Variants in PDK1 observed in about 807,000 individuals in gnomAD.
PDK1 encodes [Pyruvate dehydrogenase (acetyl-transferring)] kinase isozyme 1, mitochondrial.
PDK1 carries 39 observed loss-of-function variants against 54.2 expected under a neutral mutation model. The observed-to-expected ratio is 0.72, with a 90% confidence interval of 0.56 to 0.94. PDK1 has a LOEUF of 0.94. Among genes scored for constraint, PDK1 ranks in the 40% least tolerant of loss-of-function variants. The probability of loss-of-function intolerance (pLI) is 0.00; values close to 1 mark genes in which losing one functional copy is unlikely to be tolerated. For missense variants in PDK1, 552 were observed against 566.0 expected, an observed-to-expected ratio of 0.98 and a Z score of 0.25; for synonymous variants, 221 against 207.1, an observed-to-expected ratio of 1.07 and a Z score of -0.58.
the PDK1 span, among the ~76,000 whole-genome samples, chr2:172,718,606 A>G: frequency 0.029 from 4,453 of 152,272 alleles, 228 homozygotes; most frequent in East Asian, 0.22. Context: ...TTGTTTTAGC[A>G]AACAGAATAT....
the PDK1 span, among the ~76,000 whole-genome samples, chr2:172,704,121 T>G: frequency 2.0e-5 from 3 of 152,192 alleles, no homozygotes; most frequent in African/African-American, 7.2e-5. Context: ...AAAGGAATAC[T>G]GTAAAATAGG....
chr2:172,627,313 A>T, the PDK1 span, among the ~76,000 whole-genome samples: 2 of 152,232 alleles, frequency 1.3e-5, no homozygotes, highest in African/African-American at 4.8e-5. Flanking sequence ...TTCGTCAGGG[A>T]AATACTTCAG....
At chr2:172,698,794 C>T in the PDK1 span, among the ~76,000 whole-genome samples, 2 of 152,208 alleles carry the variant, frequency 1.3e-5, no homozygotes, top group Middle Eastern at 3.2e-3. Flanking sequence ...TTAAACAACA[C>T]GCATGCCCAG....
chr2:172,652,744 C>G, the PDK1 span, among the ~76,000 whole-genome samples: 124 of 152,182 alleles, frequency 8.1e-4, 1 homozygote, highest in African/African-American at 2.8e-3. Flanking sequence ...AATAAAATAC[C>G]TAGGAATCCC....
chr2:172,637,687 T>C, the PDK1 span, among the ~76,000 whole-genome samples: 1 of 151,952 alleles, frequency 6.6e-6, no homozygotes, highest in Non-Finnish European at 1.5e-5. Flanking sequence ...ATAGGCTGCA[T>C]TTATCTTCTT....
the PDK1 span, among the ~76,000 whole-genome samples, chr2:172,716,687 T>A: frequency 1.7e-3 from 260 of 152,336 alleles, no homozygotes; most frequent in African/African-American, 5.6e-3. Flanking sequence ...AATTAATATA[T>A]ATGTATTTGT....
Position 172,571,924 on chromosome 2 carries a change from T to G in PDK1, c.945+1100T>G, listed in dbSNP as rs183358455. Reference sequence around the variant, plus strand: ...CTCGCCCACTGCAACCTCTGCCTCCTGAGTTCAAGTGATTCACCTGCCTCA... The same window carrying G: ...CTCGCCCACTGCAACCTCTGCCTCCGGAGTTCAAGTGATTCACCTGCCTCA... On this transcript the variant is annotated intron_variant, in intron 8 of 10. Coordinates refer to ENST00000282077, the MANE Select transcript of PDK1 (RefSeq NM_002610.5). Among the ~76,000 whole-genome samples, 391 of 144,828 alleles carry G rather than the reference T, an allele frequency of 2.7e-3. 4 individuals are homozygous for G. The highest frequency in any genetic ancestry group is 3.6e-3 in the Middle Eastern group (1 of 280).
the PDK1 span, among the ~76,000 whole-genome samples, chr2:172,640,454 A>G: frequency 6.6e-6 from 1 of 152,222 alleles, no homozygotes; most frequent in Non-Finnish European, 1.5e-5. Flanking sequence ...AGCAAAGGCA[A>G]ATGGCTACAC....
chr2:172,586,214 T>G (rs946958944), intron 8 of PDK1, 64 bp from the exon 9 acceptor site: 5 of 889,242 alleles, frequency 5.6e-6, no homozygotes, highest in Non-Finnish European at 9.5e-6. Flanking sequence ...ATGCTATGAG[T>G]ATGTGTTGAT....
At chr2:172,655,645 G>A in the PDK1 span, among the ~76,000 whole-genome samples, 1 of 152,244 alleles carries the variant, frequency 6.6e-6, no homozygotes, top group Non-Finnish European at 1.5e-5. Flanking sequence ...CAGGGGTGTG[G>A]CTTGTCTGTT....
the PDK1 span, among the ~76,000 whole-genome samples, chr2:172,661,828 G>C: frequency 6.6e-6 from 1 of 152,184 alleles, no homozygotes; most frequent in Non-Finnish European, 1.5e-5. Flanking sequence ...GAGGGGCAGG[G>C]GCTGATAAAC....
the PDK1 span, among the ~76,000 whole-genome samples, chr2:172,679,884 C>T: frequency 1.3e-5 from 2 of 152,112 alleles, no homozygotes; most frequent in African/African-American, 2.4e-5. Flanking sequence ...TTTTTAGCCT[C>T]TTCATTTAGA....
At chr2:172,672,246 T>G in the PDK1 span, among the ~76,000 whole-genome samples, 1 of 152,220 alleles carries the variant, frequency 6.6e-6, no homozygotes, top group Non-Finnish European at 1.5e-5. Context: ...AAGTTTGAAA[T>G]TAGCATCATA....
the PDK1 span, among the ~76,000 whole-genome samples, chr2:172,703,676 T>C: frequency 7.2e-5 from 11 of 152,210 alleles, no homozygotes; most frequent in Admixed American, 7.2e-4. Flanking sequence ...TAAAGATCTT[T>C]TACTGACTTC....
At chr2:172,561,790 G>A (rs1319678578) in intron 2 of PDK1, among the ~76,000 whole-genome samples, 2 of 152,150 alleles carry the variant, frequency 1.3e-5, no homozygotes, top group Admixed American at 1.3e-4. Context: ...TTAAAGCACA[G>A]ATATTTAAGA....
At chr2:172,575,905 G>A (rs561510542) in intron 8 of PDK1, among the ~76,000 whole-genome samples, 1 of 152,182 alleles carries the variant, frequency 6.6e-6, no homozygotes, top group Admixed American at 6.5e-5. Flanking sequence ...GAGCTCCTGA[G>A]CTGTGTCTAT....
the PDK1 span, among the ~76,000 whole-genome samples, chr2:172,708,222 G>A: frequency 6.6e-6 from 1 of 151,932 alleles, no homozygotes; most frequent in Non-Finnish European, 1.5e-5. Flanking sequence ...CTGGGTGGTA[G>A]AGGCTGCAAT....
the PDK1 span, among the ~76,000 whole-genome samples, chr2:172,698,897 A>G: frequency 2.6e-5 from 4 of 152,186 alleles, no homozygotes; most frequent in African/African-American, 4.8e-5. Flanking sequence ...GGTGATTTTT[A>G]TGTGCTGCTA....
rs1691355813 is a variant in PDK1 at position 172,608,145 on chromosome 2, A to C, written c.*12176A>C. The C allele has an allele frequency of 6.6e-6, 1 of 152,212 alleles. No homozygotes were observed. Among genetic ancestry groups the C allele is most frequent in the African/African-American group, 2.4e-5 (1 of 41,458 alleles). 9.4% of individuals were successfully genotyped at this position (152,212 alleles called of 1,614,324 possible). ...TACCCTGTGGGGAATTTACAATCTA[A>C]ATATAACAAACATATAGAGTGAGAT... On this transcript the variant is annotated 3_prime_UTR_variant, in exon 11 of 11. Transcript: ENST00000282077.
Sources: allele counts gnomAD v4.1 joint callset (sites outside exome capture counted in the v4.1 genomes callset), GRCh38; gene constraint gnomAD v4.1.1; transcripts MANE v1.5; gene names NCBI Gene and HGNC (gene_info 2026-07-23, HGNC 2026-07-21).